FRMPD2: variants seen among roughly 807,000 people sequenced by gnomAD.
FRMPD2 encodes FERM and PDZ domain containing 2.
In FRMPD2, 96 loss-of-function variants were observed where a neutral mutation model predicts 140.1. The ratio of observed to expected loss-of-function variants is 0.69; its 90% CI spans 0.58 to 0.81. FRMPD2 has a LOEUF of 0.81. Among genes scored for constraint, FRMPD2 ranks in the 40% least tolerant of loss-of-function variants. The pLI, the probability that FRMPD2 is intolerant of heterozygous loss-of-function variation, is 0.00. For missense variants in FRMPD2, 1,240 were observed against 1,447.4 expected (o/e 0.86, Z 2.32); for synonymous variants, 449 against 547.6 (o/e 0.82, Z 2.52).
At chr10:48,175,440 A>T (rs1349521249) in intron 23 of FRMPD2, among the ~76,000 whole-genome samples, 2 of 151,716 alleles carry the variant, frequency 1.3e-5, no homozygotes, top group African/African-American at 2.4e-5. Flanking sequence ...AGTAAAAATC[A>T]CCCCCTTCCA....
At chr10:48,236,235 C>T (rs185413622) in intron 9 of FRMPD2, among the ~76,000 whole-genome samples, 1 of 152,278 alleles carries the variant, frequency 6.6e-6, no homozygotes, top group Admixed American at 6.5e-5. Context: ...AGATGTTTCA[C>T]AGCATTCCCT....
chr10:48,187,093 T>C, intron 17 of FRMPD2, 99 bp downstream of exon 17: 1 of 720,520 alleles, frequency 1.4e-6, no homozygotes, highest in South Asian at 1.9e-5. Flanking sequence ...GTTACAAACA[T>C]TGTGTGGGAA....
chr10:48,273,698 C>G (rs907845187), intron 1 of FRMPD2, among the ~76,000 whole-genome samples: 1 of 152,182 alleles, frequency 6.6e-6, no homozygotes, highest in East Asian at 1.9e-4. Flanking sequence ...CACTGTCCTA[C>G]AACCTGGAAG....
At chr10:48,217,124 G>T (rs1223693548) in intron 12 of FRMPD2, among the ~76,000 whole-genome samples, 1 of 152,184 alleles carries the variant, frequency 6.6e-6, no homozygotes, top group Non-Finnish European at 1.5e-5. Context: ...GAACTATACA[G>T]TCCCCTGACA....
chr10:48,260,202 T>A (rs1318994051), intron 1 of FRMPD2, among the ~76,000 whole-genome samples: 1 of 152,122 alleles, frequency 6.6e-6, no homozygotes, highest in Non-Finnish European at 1.5e-5. Context: ...GATAGATAGA[T>A]CTATATACAT....
chr10:48,242,355 G>A lies in FRMPD2; in HGVS notation c.376-3C>T, dbSNP rs751207872. On this transcript the variant is annotated splice_polypyrimidine_tract_variant and splice_region_variant and intron_variant, in intron 4 of 28. Coordinates refer to ENST00000374201, the MANE Select transcript of FRMPD2 (RefSeq NM_001018071.4). ...AGGGGCTCGCAGAGCTGCAGGGGCTGGAGGCAGACAGGGCCGGTGAGAGGA... is the reference window on the plus strand; with the variant it reads ...AGGGGCTCGCAGAGCTGCAGGGGCTAGAGGCAGACAGGGCCGGTGAGAGGA... 7.4e-6 allele frequency: 12 copies of A among 1,611,284 alleles called. No individual in the cohort carries two copies. In the Admixed American group the frequency reaches 2.0e-4, roughly 27 times the overall value.
chr10:48,234,578 C>T (rs1839923822), intron 9 of FRMPD2, among the ~76,000 whole-genome samples: 1 of 152,124 alleles, frequency 6.6e-6, no homozygotes, highest in Non-Finnish European at 1.5e-5. Flanking sequence ...GCTAAAGCAA[C>T]AGGGGCAAAT....
Position 48,175,936 on chromosome 10 carries a change from C to A in FRMPD2, c.2899G>T (p.Gly967Cys). 2.5e-6 allele frequency: 4 copies of A among 1,601,046 alleles called. No individual in the cohort carries two copies. Among genetic ancestry groups the A allele is most frequent in the Non-Finnish European group, 3.4e-6 (4 of 1,169,886 alleles). Residue 967 changes from glycine (G) to cysteine (C), a missense_variant, in exon 23 of 29, where the codon GGC becomes TGC. Gly to Cys is a radical substitution (Grantham distance 159). Coordinates refer to ENST00000374201, the MANE Select transcript of FRMPD2 (RefSeq NM_001018071.4). ...CCATATGGCACACTGGTGTTAATGC[C>A]ACCCTGAAAAACACAACAAAAAACT... ...DGTLGFSVTG[G>C]INTSVPYGGI...
intron 15 of FRMPD2, among the ~76,000 whole-genome samples, chr10:48,193,209 G>A (rs541313663): frequency 2.0e-5 from 3 of 152,156 alleles, no homozygotes; most frequent in East Asian, 1.9e-4. Context: ...GTCGGGCTCC[G>A]GCCGAGCCTC....
intron 1 of FRMPD2, among the ~76,000 whole-genome samples, chr10:48,256,949 A>G (rs990140568): frequency 1.3e-5 from 2 of 152,204 alleles, no homozygotes; most frequent in Admixed American, 6.5e-5. Flanking sequence ...CTAACACAAG[A>G]TAAATTTATT....
intron 14 of FRMPD2, 99 bp downstream of exon 14, chr10:48,206,649 G>T: frequency 1.1e-6 from 1 of 893,450 alleles, no homozygotes. Context: ...TGTTTGGTCA[G>T]GAGAAAGCCA....
chr10:48,200,647 A>G (rs1207503732), intron 15 of FRMPD2, among the ~76,000 whole-genome samples: 1 of 152,208 alleles, frequency 6.6e-6, no homozygotes, highest in Non-Finnish European at 1.5e-5. Context: ...AGGTATTTCC[A>G]TCATTGAAGA....
chr10:48,210,334 A>G (rs1250194771), intron 13 of FRMPD2, among the ~76,000 whole-genome samples: 1 of 152,258 alleles, frequency 6.6e-6, no homozygotes, highest in Non-Finnish European at 1.5e-5. Flanking sequence ...ATGGAATCAA[A>G]TCTATTCAGT....
intron 4 of FRMPD2, among the ~76,000 whole-genome samples, chr10:48,244,061 T>C (rs1840186791): frequency 6.6e-6 from 1 of 152,212 alleles, no homozygotes; most frequent in African/African-American, 2.4e-5. Context: ...ACTTCAACCT[T>C]CCCCTCCCGG....
chr10:48,242,486 C>A, intron 4 of FRMPD2, 134 bp from the exon 5 acceptor site: 1 of 687,656 alleles, frequency 1.5e-6, no homozygotes. Flanking sequence ...CCTGCCCCTT[C>A]TGGAGAGTTT....
chr10:48,178,573 A>T (rs2132418113), intron 21 of FRMPD2, among the ~76,000 whole-genome samples: 1 of 152,282 alleles, frequency 6.6e-6, no homozygotes, highest in South Asian at 2.1e-4. Flanking sequence ...TTGAGACCTG[A>T]AGTGAGAATC....
chr10:48,177,107 CT>C (rs797028246), intron 22 of FRMPD2, among the ~76,000 whole-genome samples: 325 of 130,666 alleles, frequency 2.5e-3, no homozygotes, highest in Middle Eastern at 0.011. Flanking sequence ...TAATGGATCA[CT>C]TTTTTTTTTT....
At chr10:48,212,946 G>T (rs1270082883) in intron 12 of FRMPD2, among the ~76,000 whole-genome samples, 2 of 152,206 alleles carry the variant, frequency 1.3e-5, no homozygotes, top group Admixed American at 6.5e-5. Flanking sequence ...CCCTGCCTTT[G>T]TATTCCCAGA....
chr10:48,179,696 G>A (rs566268635), intron 21 of FRMPD2, among the ~76,000 whole-genome samples: 2 of 151,896 alleles, frequency 1.3e-5, no homozygotes, highest in African/African-American at 2.4e-5. Flanking sequence ...AGAAAGATAC[G>A]GGTTTTATCC....
Sources: gnomAD v4.1 joint callset for allele counts (sites outside exome capture counted in the v4.1 genomes callset) on GRCh38, gnomAD v4.1.1 for gene constraint, MANE v1.5 for transcripts, NCBI Gene and HGNC (gene_info 2026-07-23, HGNC 2026-07-21) for gene names.